AP3B2: variants seen among roughly 807,000 people sequenced by gnomAD.
The protein encoded by AP3B2 is AP-3 complex subunit beta-2.
In AP3B2, 50 loss-of-function variants were observed where a neutral mutation model predicts 126.9. That is an observed-to-expected ratio of 0.39 (90% CI 0.31 to 0.50). The LOEUF is 0.50. Among genes scored for constraint, AP3B2 ranks in the 20% least tolerant of loss-of-function variants. The pLI is 0.79. For missense variants in AP3B2, 1,177 were observed against 1,426.4 expected (o/e 0.83, Z 2.82); for synonymous variants, 541 against 565.0 (o/e 0.96, Z 0.60).
intron 14 of AP3B2, among the ~76,000 whole-genome samples, chr15:82,671,193 G>C (rs899033455): frequency 1.3e-5 from 2 of 152,184 alleles, no homozygotes; most frequent in African/African-American, 2.4e-5. Flanking sequence ...TGAGGCAGGA[G>C]AATCACTTGA....
intron 4 of AP3B2, among the ~76,000 whole-genome samples, chr15:82,683,089 C>G (rs896569520): frequency 8.0e-5 from 9 of 112,322 alleles, no homozygotes; most frequent in African/African-American, 3.3e-5. Flanking sequence ...AACGGAGTCT[C>G]GCTCTGTCGC....
In AP3B2 at chr15:82,659,389, T is replaced by TG. The variant is rs2047895197; in HGVS notation, c.*170dup. On this transcript the variant is annotated 3_prime_UTR_variant, in exon 27 of 27. Coordinates refer to ENST00000535359, the MANE Select transcript of AP3B2 (RefSeq NM_001278512.2). ...TCTGCACAGATCACTAAGGAATCCA[T>TG]GGGGAGGGCATTAGGGGAGGGCTTG... 2 of 738,642 alleles carry TG rather than the reference T, an allele frequency of 2.7e-6. No individual in the cohort carries two copies. The highest frequency in any genetic ancestry group is 4.4e-6 in the Non-Finnish European group (2 of 455,984). The allele number at this position is 738,642 out of a possible 1,614,324, so 45.8% of individuals were successfully genotyped here.
At chr15:82,684,397 C>A (rs2048392222) in intron 4 of AP3B2, among the ~76,000 whole-genome samples, 1 of 152,134 alleles carries the variant, frequency 6.6e-6, no homozygotes, top group South Asian at 2.1e-4. Flanking sequence ...CACTAGCTTC[C>A]GTCTTTTCTT....
intron 1 of AP3B2, chr15:82,699,786 C>T: frequency 5.0e-6 from 2 of 399,340 alleles, no homozygotes; most frequent in Non-Finnish European, 8.8e-6. Context: ...CGGGAGCCAG[C>T]ACAGGGCTAG....
Position 82,699,747 on chromosome 15 carries a change from G to C in AP3B2, c.113+9847C>G, listed in dbSNP as rs901798704. 7.5e-6 allele frequency: 3 copies of C among 399,308 alleles called. No homozygotes were observed. In the Admixed American group the frequency reaches 1.3e-4, roughly 18 times the overall value. 24.7% of individuals were successfully genotyped at this position (399,308 alleles called of 1,614,324 possible). ...GCCACCGAAGCTCCTCAGGCTCCAA[G>C]GCCTGGTACCGGAGTGGGGGCCCAC... On this transcript the variant is annotated intron_variant, in intron 1 of 26. Transcript: ENST00000535359.
Position 82,665,148 on chromosome 15 carries a change from G to T in AP3B2, c.2028+99C>A. 1 of 1,371,930 alleles carries T rather than the reference G, an allele frequency of 7.3e-7. No individual in the cohort carries two copies. The highest frequency in any genetic ancestry group is 1.0e-6 in the Non-Finnish European group (1 of 1,002,504). 85.0% of individuals were successfully genotyped at this position (1,371,930 alleles called of 1,614,324 possible). A position where few individuals can be genotyped will look rare whatever the true frequency, so the allele number is the denominator to read the frequency against. ...AGAGGAGCACTGCCAAACCAAGGTGGAAACAGAGTATGGGAAGGCCCAGGA... is the reference window on the plus strand; with the variant it reads ...AGAGGAGCACTGCCAAACCAAGGTGTAAACAGAGTATGGGAAGGCCCAGGA... On this transcript the variant is annotated intron_variant, in intron 17 of 26. Coordinates refer to ENST00000535359, the MANE Select transcript of AP3B2 (RefSeq NM_001278512.2). The surrounding 1 kb of genome is among the most constrained non-coding windows in gnomAD (Gnocchi z 4.4).
At position 82,677,686 on chromosome 15, in the gene AP3B2, G is replaced by A; in HGVS notation, c.1363C>T (p.Leu455=). 2 of 1,566,720 alleles carry A rather than the reference G, an allele frequency of 1.3e-6. No individual in the cohort carries two copies. The highest frequency in any genetic ancestry group is 3.8e-5 in the Admixed American group (2 of 53,098). ...DTCLNGLVQL[L]SNRDELVVAE... ...AAACACTGACCATCACGGTTGGACA[G>A]CAGCTGCACCAGGCCATTGAGGCAG... The change falls in exon 12 of 27, where the codon CTG becomes TTG. Residue 455 remains leucine (L), a synonymous_variant. Transcript: ENST00000535359.
At chr15:82,686,726 A>G (rs1357070259) in intron 4 of AP3B2, 1 of 145,896 alleles carries the variant, frequency 6.9e-6, no homozygotes, top group African/African-American at 2.5e-5. Context: ...CCTGAAATCA[A>G]TTTTTTTTTT....
chr15:82,688,370 G>T (rs977156466), intron 4 of AP3B2: 4 of 699,196 alleles, frequency 5.7e-6, no homozygotes, highest in African/African-American at 3.5e-5. Flanking sequence ...AAATCTACCT[G>T]GCTGTGGACC....
chr15:82,680,778 C>G lies in AP3B2; in HGVS notation c.772-23G>C, dbSNP rs201087604. The stretch of plus-strand genomic sequence containing the variant: ...TTCCTGGACGGGGAGACCGACGGGT[C>G]TGTGGGCGCCTCCCCGGGACACACT... On this transcript the variant is annotated intron_variant, in intron 7 of 26. Coordinates refer to ENST00000535359, the MANE Select transcript of AP3B2 (RefSeq NM_001278512.2). The surrounding 1 kb of genome is among the most constrained non-coding windows in gnomAD (Gnocchi z 6.1). 1.2e-6 allele frequency: 2 copies of G among 1,602,602 alleles called. No homozygotes were observed. Among genetic ancestry groups the G allele is most frequent in the African/African-American group, 1.3e-5 (1 of 74,872 alleles).
chr15:82,688,213 CT>C (rs1482486637), intron 4 of AP3B2: 10 of 538,396 alleles, frequency 1.9e-5, no homozygotes, highest in Non-Finnish European at 2.6e-5. Flanking sequence ...TGTCTTTACC[CT>C]CAAGATGTCT....
At chr15:82,684,997 T>G (rs1567268154) in intron 4 of AP3B2, 1 of 152,148 alleles carries the variant, frequency 6.6e-6, no homozygotes, top group Non-Finnish European at 1.5e-5. Context: ...CATTGTAGGG[T>G]TATTAATTGA....
chr15:82,688,450 T>G, intron 4 of AP3B2: 1 of 701,660 alleles, frequency 1.4e-6, no homozygotes, highest in Non-Finnish European at 2.6e-6. Context: ...CTCTCCACTC[T>G]CCGGGGGCTC....
chr15:82,680,858 C>T lies in AP3B2; in HGVS notation c.750G>A (p.Gln250=). ...TTACGTTCTGGGTGGGGCTCAGGAA[C>T]TGCGTGCGGGCGTAGCGGGTGAGCA... ...ISMLTRYART[Q]FLSPTQNESL... is the part of the protein sequence containing the mutation. The change falls in exon 7 of 27, where the codon CAG becomes CAA. Residue 250 remains glutamine, a synonymous_variant. Coordinates refer to ENST00000535359, the MANE Select transcript of AP3B2 (RefSeq NM_001278512.2). The surrounding 1 kb of genome is among the most constrained non-coding windows in gnomAD (Gnocchi z 6.1). 1 of 1,613,836 alleles carries T rather than the reference C, an allele frequency of 6.2e-7. No homozygotes were observed. The highest frequency in any genetic ancestry group is 8.5e-7 in the Non-Finnish European group (1 of 1,179,806).
intron 4 of AP3B2, chr15:82,685,617 T>C (rs2048412958): frequency 6.6e-6 from 1 of 152,234 alleles, no homozygotes; most frequent in African/African-American, 2.4e-5. Flanking sequence ...TAAACCTGTT[T>C]TCCTTTTTTG....
chr15:82,700,219 C>T (rs1185391040), intron 1 of AP3B2, among the ~76,000 whole-genome samples: 3 of 151,908 alleles, frequency 2.0e-5, no homozygotes, highest in Non-Finnish European at 4.4e-5. Flanking sequence ...TCTTAATCCT[C>T]ACCTGCCTTT....
intron 26 of AP3B2, 47 bp downstream of exon 26, chr15:82,659,798 C>G: frequency 6.2e-7 from 1 of 1,609,514 alleles, no homozygotes; most frequent in Non-Finnish European, 8.5e-7. Flanking sequence ...CTCCTTCAAA[C>G]CAGGGCCCCC....
intron 1 of AP3B2, among the ~76,000 whole-genome samples, chr15:82,703,749 C>G (rs368936348): frequency 2.6e-5 from 4 of 152,072 alleles, no homozygotes; most frequent in South Asian, 2.1e-4. Context: ...GTTCCCAATG[C>G]GACTCATCCC....
chr15:82,675,929 A>T (rs1567262919), intron 14 of AP3B2, among the ~76,000 whole-genome samples: 7 of 152,074 alleles, frequency 4.6e-5, no homozygotes, highest in Admixed American at 3.3e-4. Flanking sequence ...GGCTCTGAAC[A>T]CCCTGATACT....
Sources: allele counts gnomAD v4.1 joint callset (sites outside exome capture counted in the v4.1 genomes callset), GRCh38; gene constraint gnomAD v4.1.1; non-coding constraint Gnocchi (gnomAD v3.1); transcripts MANE v1.5; gene names NCBI Gene and HGNC (gene_info 2026-07-23, HGNC 2026-07-21).